Variants in GRIK5 observed in about 807,000 individuals in gnomAD.
The protein encoded by GRIK5 is glutamate ionotropic receptor kainate type subunit 5.
Under a neutral mutation model 97.4 loss-of-function variants are expected in GRIK5, and 43 were observed. That is an observed-to-expected ratio of 0.44 (90% CI 0.35 to 0.57). GRIK5 has a LOEUF of 0.57. GRIK5 is among the 20% of genes least tolerant of loss of function. GRIK5 has a pLI of 0.01. For synonymous variants in GRIK5, 580 were observed against 583.5 expected, an observed-to-expected ratio of 0.99 and a Z score of 0.09; for missense variants, 1,015 against 1,382.0, an observed-to-expected ratio of 0.73 and a Z score of 4.21.
At chr19:42,007,702 T>A (rs2075509601) in intron 15 of GRIK5, among the ~76,000 whole-genome samples, 1 of 152,110 alleles carries the variant, frequency 6.6e-6, no homozygotes, top group South Asian at 2.1e-4. Flanking sequence ...GGGGTGAAAC[T>A]CTGTGGGGCT....
At chr19:42,030,615 C>G (rs536305374) in intron 12 of GRIK5, among the ~76,000 whole-genome samples, 1 of 152,002 alleles carries the variant, frequency 6.6e-6, no homozygotes, top group South Asian at 2.1e-4. Context: ...TGTGCCATGC[C>G]CAGCTAATTT....
In GRIK5 at chr19:42,004,050, TG is replaced by T. The variant is rs1421617302; in HGVS notation, c.2264-368del. 2.0e-5 allele frequency among the ~76,000 whole-genome samples: 3 copies of T among 152,296 alleles called. No individual in the cohort carries two copies. In the East Asian group the frequency reaches 5.8e-4, roughly 29 times the overall value. ...AGTCCTGTCTTAGGACCTTTGCCTC[TG>T]CCTGGAATGTCCCTCTCCGCACTTC... On this transcript the variant is annotated intron_variant, in intron 17 of 19. Transcript: ENST00000593562.
intron 15 of GRIK5, among the ~76,000 whole-genome samples, chr19:42,017,224 A>G (rs2075635786): frequency 6.6e-6 from 1 of 152,222 alleles, no homozygotes; most frequent in Non-Finnish European, 1.5e-5. Context: ...GTGGCAACAT[A>G]ATTCTGTTAA....
Position 42,013,856 on chromosome 19 carries a change from C to T in GRIK5, c.1872-7046G>A, listed in dbSNP as rs553689762. On this transcript the variant is annotated intron_variant, in intron 15 of 19. Coordinates refer to ENST00000593562, the MANE Select transcript of GRIK5 (RefSeq NM_002088.5). ...CAGCCTGGGCAACACAGTGAGACTT[C>T]GTCTCTACCAAAAATAAAAAAATTT... Among the ~76,000 whole-genome samples the T allele has an allele frequency of 5.9e-5, 9 of 151,762 alleles. No individual in the cohort carries two copies. In the South Asian group the frequency reaches 1.9e-3, roughly 32 times the overall value.
chr19:42,001,011 C>T (rs181644814), intron 19 of GRIK5, among the ~76,000 whole-genome samples: 3 of 152,276 alleles, frequency 2.0e-5, no homozygotes, highest in Non-Finnish European at 2.9e-5. Context: ...GCTCAGCTGC[C>T]TTTCATGTGC....
At chr19:42,015,320 G>C (rs1199272823) in intron 15 of GRIK5, among the ~76,000 whole-genome samples, 1 of 152,160 alleles carries the variant, frequency 6.6e-6, no homozygotes, top group Admixed American at 6.5e-5. Context: ...GACCCTTATA[G>C]AACACTGCAC....
chr19:42,037,148 C>T (rs533423349), intron 12 of GRIK5, among the ~76,000 whole-genome samples: 6 of 152,316 alleles, frequency 3.9e-5, no homozygotes, highest in Admixed American at 2.0e-4. Flanking sequence ...TGTGCAAATG[C>T]GCTCTCATTT....
In GRIK5 at chr19:42,062,830, A is replaced by C; in HGVS notation, c.270T>G (p.Val90=). 6.2e-7 allele frequency: 1 copy of C among 1,613,886 alleles called. No individual in the cohort carries two copies. The part of the protein sequence containing the change: ...DTMCQILPKG[V]VSVLGPSSSP... Reference sequence around the variant, plus strand: ...TAGAGGAGGGCCCAAGGACAGACACAACCCCTTTGGGTAAGATCTGACACA... The same window carrying C: ...TAGAGGAGGGCCCAAGGACAGACACCACCCCTTTGGGTAAGATCTGACACA... Residue 90 remains valine, a synonymous_variant, in exon 4 of 20, where the codon GTT becomes GTG. Coordinates refer to ENST00000593562, the MANE Select transcript of GRIK5 (RefSeq NM_002088.5). The surrounding 1 kb of genome is among the most constrained non-coding windows in gnomAD (Gnocchi z 5.3).
chr19:42,001,954 C>T, intron 19 of GRIK5: 1 of 601,608 alleles, frequency 1.7e-6, no homozygotes, highest in South Asian at 2.1e-5. Context: ...AGCCCCACAA[C>T]AAACAGAGCC....
At chr19:42,032,774 T>C (rs1469011672) in intron 12 of GRIK5, among the ~76,000 whole-genome samples, 1 of 152,102 alleles carries the variant, frequency 6.6e-6, no homozygotes, top group African/African-American at 2.4e-5. Flanking sequence ...CCAAACCCCA[T>C]AGTCACCCCG....
At chr19:42,055,484 G>A (rs1370643125) in intron 8 of GRIK5, among the ~76,000 whole-genome samples, 4 of 152,184 alleles carry the variant, frequency 2.6e-5, no homozygotes, top group Admixed American at 6.5e-5. Context: ...CCTGTTATGA[G>A]CTAGGCTGTT....
At chr19:42,043,427 A>C in intron 11 of GRIK5, among the ~76,000 whole-genome samples, 1 of 125,072 alleles carries the variant, frequency 8.0e-6, no homozygotes, top group African/African-American at 3.1e-5. Flanking sequence ...TTTTTTTGAG[A>C]CAGAGTCTTG....
At chr19:42,011,402 A>C (rs1297819390) in intron 15 of GRIK5, among the ~76,000 whole-genome samples, 2 of 151,618 alleles carry the variant, frequency 1.3e-5, no homozygotes, top group South Asian at 4.2e-4. Flanking sequence ...AATACAAAAA[A>C]ATTAGCCAGG....
chr19:42,028,020 C>A (rs753102593), intron 12 of GRIK5, among the ~76,000 whole-genome samples: 1 of 151,892 alleles, frequency 6.6e-6, no homozygotes, highest in Non-Finnish European at 1.5e-5. Context: ...TTTGTAGAGA[C>A]GGGGGTCTTA....
At chr19:42,055,883 A>G (rs534790472) in intron 8 of GRIK5, among the ~76,000 whole-genome samples, 1 of 152,208 alleles carries the variant, frequency 6.6e-6, no homozygotes, top group Non-Finnish European at 1.5e-5. Flanking sequence ...GGATTTTGCC[A>G]TGTTGGCCAG....
chr19:42,062,663 G>T lies in GRIK5; in HGVS notation c.343-10C>A. The T allele has an allele frequency of 6.2e-7, 1 of 1,613,992 alleles. No individual in the cohort carries two copies. Among genetic ancestry groups the T allele is most frequent in the Non-Finnish European group, 8.5e-7 (1 of 1,179,910 alleles). ...CCTTGATGTGGGGGATCTGGACAGA[G>T]AGGAAACTTTGGCCTCCATCCTGCT... On this transcript the variant is annotated splice_polypyrimidine_tract_variant and intron_variant, in intron 4 of 19. Coordinates refer to ENST00000593562, the MANE Select transcript of GRIK5 (RefSeq NM_002088.5). This position sits in a 1 kb window ranked among gnomAD's most constrained non-coding sequence, Gnocchi z 5.3.
chr19:41,998,846 G>A lies in GRIK5; in HGVS notation c.*25C>T. The A allele has an allele frequency of 9.0e-7, 1 of 1,107,656 alleles. No homozygotes were observed. The highest frequency in any genetic ancestry group is 1.1e-6 in the Non-Finnish European group (1 of 905,550). 68.6% of individuals were successfully genotyped at this position (1,107,656 alleles called of 1,614,324 possible). A position where few individuals can be genotyped will look rare whatever the true frequency, so the allele number is the denominator to read the frequency against. On this transcript the variant is annotated 3_prime_UTR_variant, in exon 20 of 20. Coordinates refer to ENST00000593562, the MANE Select transcript of GRIK5 (RefSeq NM_002088.5). ...GGGCCCCGTCCCTTCGGTCAGTCCG[G>A]GCGCCCGCACAGCCCCGCCCGTGGT...
At position 42,021,193 on chromosome 19, in the gene GRIK5, G is replaced by C. The variant is rs1366658688; in HGVS notation, c.1871+108C>G. ...TTCCTCGTCACACAGCTCTGCAAGG[G>C]AAAACGGGGAATCAAATCTTCCAGG... On this transcript the variant is annotated intron_variant, in intron 15 of 19. Transcript: ENST00000593562. The surrounding 1 kb of genome is among the most constrained non-coding windows in gnomAD (Gnocchi z 4.2). 2 of 890,382 alleles carry C rather than the reference G, an allele frequency of 2.2e-6. No homozygotes were observed. Among genetic ancestry groups the C allele is most frequent in the Non-Finnish European group, 3.4e-6 (2 of 590,740 alleles). 55.2% of individuals were successfully genotyped at this position (890,382 alleles called of 1,614,324 possible). A position where few individuals can be genotyped will look rare whatever the true frequency, so the allele number is the denominator to read the frequency against.
chr19:42,045,993 T>C (rs1411191240), intron 11 of GRIK5, among the ~76,000 whole-genome samples: 1 of 152,124 alleles, frequency 6.6e-6, no homozygotes, highest in African/African-American at 2.4e-5. Flanking sequence ...AGGTTGGGTA[T>C]CAAAGCTGGA....
Sources: allele counts gnomAD v4.1 joint callset (sites outside exome capture counted in the v4.1 genomes callset), GRCh38; gene constraint gnomAD v4.1.1; non-coding constraint Gnocchi (gnomAD v3.1); transcripts MANE v1.5; gene names NCBI Gene and HGNC (gene_info 2026-07-23, HGNC 2026-07-21).